Variants in TBC1D8B observed in about 807,000 individuals in gnomAD.
TBC1D8B encodes TBC1 domain family member 8B, also known as RP11-321G1.1.
TBC1D8B carries 75 observed loss-of-function variants against 82.9 expected under a neutral mutation model. That is an observed-to-expected ratio of 0.90 (90% confidence interval 0.75 to 1.10). TBC1D8B has a LOEUF of 1.10. Among genes scored for constraint, TBC1D8B ranks in the 50% least tolerant of loss-of-function variants. The probability of loss-of-function intolerance (pLI) is 0.00; values close to 1 mark genes in which losing one functional copy is unlikely to be tolerated. For synonymous variants in TBC1D8B, 276 were observed against 276.8 expected (o/e 1.00, Z 0.03); for missense variants, 794 against 796.9 (o/e 1.00, Z 0.04).
At chrX:106,870,568 T>C (rs1033466245) in intron 19 of TBC1D8B, 148 bp from the exon 20 acceptor site, 8 of 418,166 alleles carry the variant, frequency 1.9e-5, no homozygotes, top group Non-Finnish European at 2.9e-5. Flanking sequence ...GTGGGTGAAA[T>C]GAAAGGTAAT....
At chrX:106,826,353 T>C in intron 6 of TBC1D8B, 116 bp downstream of exon 6, 1 of 545,047 alleles carries the variant, frequency 1.8e-6, no homozygotes, top group South Asian at 3.6e-5. Flanking sequence ...ATCCTTTTAG[T>C]AATTTAAAAT....
intron 1 of TBC1D8B, among the ~76,000 whole-genome samples, chrX:106,817,832 T>C (rs1931585522): frequency 9.0e-6 from 1 of 111,352 alleles, no homozygotes; most frequent in Non-Finnish European, 1.9e-5. Context: ...TGGACTGGAC[T>C]AGAAGACTTT....
chrX:106,844,503 A>G (rs1932389649), intron 10 of TBC1D8B, among the ~76,000 whole-genome samples: 1 of 102,575 alleles, frequency 9.7e-6, no homozygotes, highest in African/African-American at 3.8e-5. Flanking sequence ...AAACATATAT[A>G]TATAAACATA....
intron 12 of TBC1D8B, 68 bp from the exon 13 acceptor site, chrX:106,853,453 A>AT: frequency 9.3e-7 from 1 of 1,072,850 alleles, no homozygotes; most frequent in African/African-American, 1.8e-5. Flanking sequence ...GGGAGAAATT[A>AT]TGTGTCATTT....
chrX:106,816,071 CAGG>C (rs1191468996), intron 1 of TBC1D8B, among the ~76,000 whole-genome samples: 1 of 110,921 alleles, frequency 9.0e-6, no homozygotes, highest in Non-Finnish European at 1.9e-5. Context: ...GGCAATTAGG[CAGG>C]AGAAGGAAAT....
intron 1 of TBC1D8B, among the ~76,000 whole-genome samples, chrX:106,808,568 T>G (rs1464290612): frequency 8.9e-6 from 1 of 112,121 alleles, no homozygotes; most frequent in Non-Finnish European, 1.9e-5. Context: ...TTGGGCATGA[T>G]AGTGATTATG....
chrX:106,839,541 A>C, intron 8 of TBC1D8B, 84 bp downstream of exon 8: 1 of 959,938 alleles, frequency 1.0e-6, no homozygotes, highest in East Asian at 3.3e-5. Context: ...AAGGTATCAC[A>C]ACTGAAAACT....
chrX:106,848,218 A>G lies in TBC1D8B; in HGVS notation c.1752A>G (p.Leu584=). Reference sequence around the variant, plus strand: ...ATATTTTGACTTCAGTGCTGCTTCTATATGCAAAAGAGGAAGAAGCTTTTT... The same window carrying G: ...ATATTTTGACTTCAGTGCTGCTTCTGTATGCAAAAGAGGAAGAAGCTTTTT... The part of the protein sequence containing the change: ...AMNILTSVLL[L]YAKEEEAFWL... The change falls in exon 11 of 21, where the codon CTA becomes CTG. Residue 584 remains leucine (L), a synonymous_variant. Coordinates refer to ENST00000357242, the MANE Select transcript of TBC1D8B (RefSeq NM_017752.3). 8.4e-7 allele frequency: 1 copy of G among 1,194,951 alleles called. No individual in the cohort carries two copies.
intron 7 of TBC1D8B, among the ~76,000 whole-genome samples, chrX:106,834,061 T>C (rs1932110215): frequency 9.0e-6 from 1 of 111,522 alleles, no homozygotes; most frequent in East Asian, 2.8e-4. Flanking sequence ...ACCCTTTCAT[T>C]TACACATTGA....
chrX:106,866,505 G>C (rs1261217814), intron 16 of TBC1D8B, among the ~76,000 whole-genome samples: 1 of 112,061 alleles, frequency 8.9e-6, no homozygotes, highest in Non-Finnish European at 1.9e-5. Flanking sequence ...TTGAAGAACA[G>C]TTCTCTCCTG....
At chrX:106,833,212 C>T in intron 7 of TBC1D8B, among the ~76,000 whole-genome samples, 1 of 111,517 alleles carries the variant, frequency 9.0e-6, no homozygotes, top group African/African-American at 3.3e-5. Context: ...CTTTGTCTTT[C>T]CTTCACTTTT....
intron 1 of TBC1D8B, among the ~76,000 whole-genome samples, chrX:106,810,285 A>G (rs956761143): frequency 9.0e-6 from 1 of 111,686 alleles, no homozygotes; most frequent in Non-Finnish European, 1.9e-5. Flanking sequence ...GTTTGGTAGA[A>G]GTGGTGGGAG....
At chrX:106,827,718 C>A (rs1001368353) in intron 7 of TBC1D8B, 1 of 128,533 alleles carries the variant, frequency 7.8e-6, no homozygotes, top group Non-Finnish European at 1.6e-5. Context: ...CAATTTTAAA[C>A]CTGTCTGGAT....
chrX:106,828,800 T>C (rs1189429763), intron 7 of TBC1D8B: 5 of 109,379 alleles, frequency 4.6e-5, no homozygotes, highest in African/African-American at 1.4e-4. Context: ...CTCAAAATCA[T>C]AAGAGCTATC....
At chrX:106,865,534 TA>T in intron 14 of TBC1D8B, 24 bp from the exon 15 acceptor site, 2 of 1,166,078 alleles carry the variant, frequency 1.7e-6, no homozygotes, top group Non-Finnish European at 2.3e-6. Context: ...ATCTGTGTAC[TA>T]AATTGCTTTT....
rs754547608 is a variant in TBC1D8B at position 106,820,863 on chromosome X, G to A, written c.242-14G>A. 1.8e-6 allele frequency: 2 copies of A among 1,091,059 alleles called. No homozygotes were observed. Among genetic ancestry groups the A allele is most frequent in the Non-Finnish European group, 1.2e-6 (1 of 805,630 alleles). 89.9% of individuals were successfully genotyped at this position (1,091,059 alleles called of 1,213,427 possible). A position where few individuals can be genotyped will look rare whatever the true frequency, so the allele number is the denominator to read the frequency against. ...TTTTCCTTAAGTGTTTTATTTTCTT[G>A]TGTTATTAATCAGGAGCCAACAGAG... On this transcript the variant is annotated splice_polypyrimidine_tract_variant and intron_variant, in intron 2 of 20. Transcript: ENST00000357242.
chrX:106,848,131 A>G, intron 10 of TBC1D8B, 55 bp from the exon 11 acceptor site: 1 of 828,396 alleles, frequency 1.2e-6, no homozygotes, highest in Non-Finnish European at 1.7e-6. Flanking sequence ...TTGAAGAAGT[A>G]TAATTATTAC....
chrX:106,809,816 G>A (rs752710250), intron 1 of TBC1D8B, among the ~76,000 whole-genome samples: 19 of 106,275 alleles, frequency 1.8e-4, no homozygotes, highest in Admixed American at 6.0e-4. Context: ...CCCACGAGGC[G>A]GAGGTTGCAG....
At chrX:106,845,392 G>A (rs1224780391) in intron 10 of TBC1D8B, among the ~76,000 whole-genome samples, 1 of 107,132 alleles carries the variant, frequency 9.3e-6, no homozygotes. Flanking sequence ...CTGGTGTGCT[G>A]CACCCATTAA....
Sources: allele counts gnomAD v4.1 joint callset (sites outside exome capture counted in the v4.1 genomes callset), GRCh38; gene constraint gnomAD v4.1.1; transcripts MANE v1.5; gene names NCBI Gene and HGNC (gene_info 2026-07-23, HGNC 2026-07-21).